The following GLYATL1B variants were observed in gnomAD, a reference collection of about 807,000 sequenced individuals.
GLYATL1B encodes glycine-N-acyltransferase like 1B, also known as putative glycine N-acyltransferase-like protein 1B.
GLYATL1B carries 6 observed loss-of-function variants against 5.5 expected under a neutral mutation model. The observed-to-expected ratio is 1.09, with a 90% CI of 0.60 to 2.15. GLYATL1B has a LOEUF of 2.15. GLYATL1B is among the 30% of genes most tolerant of loss of function. The probability of loss-of-function intolerance (pLI) is 0.00; values close to 1 mark genes in which losing one functional copy is unlikely to be tolerated. For missense variants in GLYATL1B, 135 were observed against 94.1 expected (o/e 1.43, Z -1.80); for synonymous variants, 67 against 34.9 (o/e 1.92, Z -3.24).
chr11:59,092,789 T>G (rs2135383403), intron 2 of GLYATL1B, among the ~76,000 whole-genome samples: 1 of 152,318 alleles, frequency 6.6e-6, no homozygotes, highest in South Asian at 2.1e-4. Flanking sequence ...TTCTATTTTG[T>G]GGGCTTCTGG....
chr11:59,086,519 A>T, intron 1 of GLYATL1B, 135 bp downstream of exon 1: 1 of 394,464 alleles, frequency 2.5e-6, no homozygotes, highest in East Asian at 3.6e-5. Context: ...TTGGGGACAA[A>T]GGAGGCATGT....
At chr11:59,089,390 C>A (rs2849746) in intron 2 of GLYATL1B, among the ~76,000 whole-genome samples, 3 of 152,308 alleles carry the variant, frequency 2.0e-5, no homozygotes, top group East Asian at 1.9e-4. Context: ...AAGTCCAAGT[C>A]AGAGCTTATC....
rs1481375037 is a variant in GLYATL1B at position 59,094,399 on chromosome 11, G to C, written c.522G>C (p.Leu174=). Residue 174 remains leucine (L), a synonymous_variant, in exon 5 of 5, where the codon CTG becomes CTC. Transcript: ENST00000527482. ...CTCCGAACTTTAAGTATGCCCAGCT[G>C]AATGTGTCTTATTCTGGGCTGGTAA... ...SETPNFKYAQ[L]NVSYSGLVND... The C allele has an allele frequency of 3.3e-6, 2 of 602,012 alleles. No homozygotes were observed. Among genetic ancestry groups the C allele is most frequent in the African/African-American group, 1.9e-5 (1 of 53,208 alleles). The allele number at this position is 602,012 out of a possible 1,614,324, so 37.3% of individuals were successfully genotyped here.
intron 2 of GLYATL1B, among the ~76,000 whole-genome samples, chr11:59,092,387 T>G (rs1162279407): frequency 6.6e-6 from 1 of 152,196 alleles, no homozygotes; most frequent in Non-Finnish European, 1.5e-5. Flanking sequence ...CTTTTTATAA[T>G]TCTTTGAATA....
intron 2 of GLYATL1B, among the ~76,000 whole-genome samples, chr11:59,088,908 G>A (rs1445571799): frequency 2.0e-5 from 3 of 152,278 alleles, no homozygotes; most frequent in Non-Finnish European, 2.9e-5. Context: ...TGAGATGCAG[G>A]AGAATTTCTC....
At chr11:59,086,739 A>G (rs1859201321) in intron 1 of GLYATL1B, among the ~76,000 whole-genome samples, 1 of 152,188 alleles carries the variant, frequency 6.6e-6, no homozygotes, top group Non-Finnish European at 1.5e-5. Context: ...TTCATTAATA[A>G]AATGGGAATA....
chr11:59,088,018 C>T (rs971982156), intron 2 of GLYATL1B, among the ~76,000 whole-genome samples: 1 of 152,172 alleles, frequency 6.6e-6, no homozygotes, highest in African/African-American at 2.4e-5. Flanking sequence ...GAGAAATATT[C>T]AGTCAGGTAG....
chr11:59,086,976 T>G, intron 1 of GLYATL1B, 88 bp from the exon 2 acceptor site: 23 of 479,358 alleles, frequency 4.8e-5, no homozygotes, highest in East Asian at 9.3e-5. Flanking sequence ...TACTGTCTCT[T>G]GATCTCCATT....
chr11:59,092,843 G>A (rs1211974520), intron 2 of GLYATL1B, among the ~76,000 whole-genome samples: 1 of 152,166 alleles, frequency 6.6e-6, no homozygotes, highest in East Asian at 1.9e-4. Context: ...ATATCCTGTA[G>A]CCTTGGGAAA....
Position 59,094,613 on chromosome 11 carries a change from C to T in GLYATL1B, c.736C>T (p.Arg246Trp), listed in dbSNP as rs114246615. ...EKYRRRGNGT[R>W]LIMRCMKYLC... ...ATACCGAAGGAGAGGCAATGGGACA[C>T]GGCTGATCATGCGATGCATGAAGTA... The change falls in exon 5 of 5, where the codon CGG becomes TGG. Residue 246 changes from arginine to tryptophan, a missense_variant. Arg to Trp is a moderately radical substitution (Grantham distance 101). Coordinates refer to ENST00000527482, the MANE Select transcript of GLYATL1B (RefSeq NM_001355566.1). 3,109 of 453,542 alleles carry T rather than the reference C, an allele frequency of 6.9e-3. 74 individuals are homozygous for T. The highest frequency in any genetic ancestry group is 0.055 in the African/African-American group (2,731 of 49,860). 28.1% of individuals were successfully genotyped at this position (453,542 alleles called of 1,614,324 possible).
In GLYATL1B at chr11:59,094,490, C is replaced by T. The variant is rs1031334512; in HGVS notation, c.613C>T (p.Leu205=). 3 of 790,142 alleles carry T rather than the reference C, an allele frequency of 3.8e-6. No individual in the cohort carries two copies. Among genetic ancestry groups the T allele is most frequent in the Non-Finnish European group, 4.3e-6 (2 of 462,686 alleles). 48.9% of individuals were successfully genotyped at this position (790,142 alleles called of 1,614,324 possible). Residue 205 remains leucine, a synonymous_variant, in exon 5 of 5, where the codon CTG becomes TTG. Coordinates refer to ENST00000527482, the MANE Select transcript of GLYATL1B (RefSeq NM_001355566.1). ...TTACATCAAGCGCTGCCTAGGAGCC[C>T]TGCCAGCAGCCTGTATGCTGGGCCC... is the stretch of plus-strand genomic sequence containing the variant. The part of the protein sequence containing the change: ...LRYIKRCLGA[L]PAACMLGPEG...
At chr11:59,089,850 A>G (rs1278615852) in intron 2 of GLYATL1B, among the ~76,000 whole-genome samples, 4 of 152,108 alleles carry the variant, frequency 2.6e-5, no homozygotes, top group South Asian at 2.1e-4. Context: ...CTTTTTCACT[A>G]TGATTCCTGA....
chr11:59,091,675 G>C (rs1186962385), intron 2 of GLYATL1B, among the ~76,000 whole-genome samples: 2 of 152,188 alleles, frequency 1.3e-5, no homozygotes. Flanking sequence ...GAACTTAAAA[G>C]AGAGTTGCCA....
chr11:59,090,106 G>A (rs1328140014), intron 2 of GLYATL1B, among the ~76,000 whole-genome samples: 1 of 151,960 alleles, frequency 6.6e-6, no homozygotes, highest in Non-Finnish European at 1.5e-5. Context: ...AAACATAAAT[G>A]TCTATTTTGT....
Position 59,094,438 on chromosome 11 carries a change from G to A in GLYATL1B, c.561G>A (p.Lys187=), listed in dbSNP as rs866205290. The change falls in exon 5 of 5, where the codon AAG becomes AAA. Residue 187 remains lysine (K), a synonymous_variant. Coordinates refer to ENST00000527482, the MANE Select transcript of GLYATL1B (RefSeq NM_001355566.1). ...SYSGLVNDNW[K]LGMNKRSLRY... is the part of the protein sequence containing the mutation. ...CTGGGCTGGTAAATGACAACTGGAA[G>A]CTAGGGATGAATAAGAGGAGCCTGC... 12 of 685,886 alleles carry A rather than the reference G, an allele frequency of 1.7e-5. No individual in the cohort carries two copies. The highest frequency in any genetic ancestry group is 5.1e-4 in the Middle Eastern group (2 of 3,928). 42.5% of individuals were successfully genotyped at this position (685,886 alleles called of 1,614,324 possible).
chr11:59,088,630 T>C (rs1420224885), intron 2 of GLYATL1B, among the ~76,000 whole-genome samples: 1 of 152,236 alleles, frequency 6.6e-6, no homozygotes, highest in Non-Finnish European at 1.5e-5. Flanking sequence ...GTAGTCACTA[T>C]GTGTATTTTA....
chr11:59,090,443 C>A (rs1163193031), intron 2 of GLYATL1B, among the ~76,000 whole-genome samples: 1 of 151,784 alleles, frequency 6.6e-6, no homozygotes, highest in Admixed American at 6.6e-5. Context: ...TTTTCAGTTT[C>A]TGTTCTATGC....
chr11:59,087,716 G>A (rs903342362), intron 2 of GLYATL1B, among the ~76,000 whole-genome samples: 16 of 152,126 alleles, frequency 1.1e-4, no homozygotes, highest in Admixed American at 2.6e-4. Context: ...GCATGGTGAT[G>A]CGTGCCTATA....
At chr11:59,089,675 A>T (rs1226173660) in intron 2 of GLYATL1B, among the ~76,000 whole-genome samples, 2 of 152,074 alleles carry the variant, frequency 1.3e-5, no homozygotes, top group Non-Finnish European at 2.9e-5. Flanking sequence ...CCATTTTTAC[A>T]CTGGGATTTT....
Sources: allele counts gnomAD v4.1 joint callset (sites outside exome capture counted in the v4.1 genomes callset), GRCh38; gene constraint gnomAD v4.1.1; transcripts MANE v1.5; gene names NCBI Gene and HGNC (gene_info 2026-07-23, HGNC 2026-07-21).